The following INO80B variants were observed in gnomAD, a reference collection of about 807,000 sequenced individuals.
INO80B encodes IES2 homolog.
A neutral mutation model predicts 31.4 loss-of-function variants in INO80B; 18 were observed. The ratio of observed to expected loss-of-function variants is 0.57; its 90% CI spans 0.40 to 0.85. INO80B has a LOEUF of 0.85. Among genes scored for constraint, INO80B ranks in the 40% least tolerant of loss-of-function variants. INO80B has a pLI of 0.00. For synonymous variants in INO80B, 238 were observed against 199.0 expected (o/e 1.20, Z -1.65); for missense variants, 469 against 475.4 (o/e 0.99, Z 0.13).
intron 4 of INO80B, 99 bp from the exon 5 acceptor site, chr2:74,457,235 G>A (rs1174219627): frequency 3.1e-6 from 4 of 1,297,678 alleles, no homozygotes; most frequent in Non-Finnish European, 4.2e-6. Context: ...TCAAGACCCT[G>A]CCTTCCATGT....
At position 74,455,527 on chromosome 2, in the gene INO80B, G is replaced by A; in HGVS notation, c.180G>A (p.Thr60=). The A allele has an allele frequency of 6.2e-7, 1 of 1,614,138 alleles. No homozygotes were observed. The highest frequency in any genetic ancestry group is 8.5e-7 in the Non-Finnish European group (1 of 1,180,018). ...ATCAGGAAGAAGACGCCGGGCCCACGCAGCCGTCCCCTGCCAAGCCTCAGC... is the reference window on the plus strand; with the variant it reads ...ATCAGGAAGAAGACGCCGGGCCCACACAGCCGTCCCCTGCCAAGCCTCAGC... ...KHHQEEDAGP[T]QPSPAKPQLK... is the part of the protein sequence containing the mutation. The change falls in exon 2 of 5, where the codon ACG becomes ACA. Residue 60 remains threonine (T), a synonymous_variant. Coordinates refer to ENST00000233331, the MANE Select transcript of INO80B (RefSeq NM_031288.4).
At chr2:74,455,974 A>T (rs1196615735) in intron 3 of INO80B, 38 bp downstream of exon 3, 2 of 1,555,714 alleles carry the variant, frequency 1.3e-6, no homozygotes, top group Admixed American at 3.3e-5. Flanking sequence ...GTTTCTTATT[A>T]TACCCGCCTA....
chr2:74,455,695 T>TGAA, intron 2 of INO80B, 97 bp downstream of exon 2: 2 of 1,436,404 alleles, frequency 1.4e-6, no homozygotes, highest in Non-Finnish European at 1.9e-6. Flanking sequence ...GAATGGACAC[T>TGAA]GTGACTTCAG....
chr2:74,457,705 CCCG>C lies in INO80B; in HGVS notation c.920_922del (p.Pro307del). 1 of 1,599,818 alleles carries C rather than the reference CCCG, an allele frequency of 6.3e-7. No individual in the cohort carries two copies. The highest frequency in any genetic ancestry group is 8.5e-7 in the Non-Finnish European group (1 of 1,179,242). Reference sequence around the variant, plus strand: ...TGTCTCAGCGGCCATCCCCCTCAGGCCCGCCGCCGCGCTGCTCTGTCCCCGGCT... The same window carrying C: ...TGTCTCAGCGGCCATCCCCCTCAGGCCCGCCGCGCTGCTCTGTCCCCGGCT... On this transcript the variant is annotated inframe_deletion, in exon 5 of 5. Coordinates refer to ENST00000233331, the MANE Select transcript of INO80B (RefSeq NM_031288.4).
At position 74,455,575 on chromosome 2, in the gene INO80B, G is replaced by C; in HGVS notation, c.228G>C (p.Gly76=). The C allele has an allele frequency of 6.2e-7, 1 of 1,613,324 alleles. No homozygotes were observed. The highest frequency in any genetic ancestry group is 1.3e-5 in the African/African-American group (1 of 74,856). ...KPQLKLKIKL[G]GQVLGTKSVP... The stretch of plus-strand genomic sequence containing the variant: ...AGCTCAAACTCAAAATCAAGCTTGG[G>C]GGACAAGTCCTGGGGACCAAGAGGT... Residue 76 remains glycine (G), a synonymous_variant, in exon 2 of 5, where the codon GGG becomes GGC. Coordinates refer to ENST00000233331, the MANE Select transcript of INO80B (RefSeq NM_031288.4).
rs1359298638 is a variant in INO80B, at chr2:74,457,478, C to A, written c.685C>A (p.Arg229=). 3 of 1,554,036 alleles carry A rather than the reference C, an allele frequency of 1.9e-6. No individual in the cohort carries two copies. The Admixed American group carries it at 5.8e-5, about 30-fold the overall frequency. The change falls in exon 5 of 5, where the codon CGG becomes AGG. Residue 229 remains arginine, a synonymous_variant. Coordinates refer to ENST00000233331, the MANE Select transcript of INO80B (RefSeq NM_031288.4). The part of the protein sequence containing the change: ...RARKRRLQAA[R]RAEEHKNQTI... Reference sequence around the variant, plus strand: ...GCGGAAGCGGCGGCTCCAGGCGGCGCGGCGGGCAGAAGAGCACAAGAACCA... The same window carrying A: ...GCGGAAGCGGCGGCTCCAGGCGGCGAGGCGGGCAGAAGAGCACAAGAACCA...
rs1374333452 is a variant in INO80B at position 74,457,628 on chromosome 2, G to T, written c.835G>T (p.Ala279Ser). ...PAPMVRYCSG[A>S]QGSTLSFPPG... is the part of the protein sequence containing the mutation. ...CCCCATGGTGCGCTACTGCAGCGGA[G>T]CACAGGGTTCCACCCTTTCCTTCCC... The change falls in exon 5 of 5, where the codon GCA (alanine) becomes TCA (serine). Residue 279 changes from alanine (A) to serine (S), a missense_variant. Physicochemically the swap from Ala to Ser is moderately conservative, Grantham distance 99 (BLOSUM62 1). Transcript: ENST00000233331. The T allele has an allele frequency of 1.3e-6, 2 of 1,593,062 alleles. No individual in the cohort carries two copies. The highest frequency in any genetic ancestry group is 3.4e-5 in the Admixed American group (2 of 59,002).
At chr2:74,457,222 T>C in intron 4 of INO80B, 112 bp from the exon 5 acceptor site, 1 of 1,150,620 alleles carries the variant, frequency 8.7e-7, no homozygotes. Context: ...AGGCCTGCAC[T>C]GCTCAAGACC....
chr2:74,456,340 C>A lies in INO80B; in HGVS notation c.540+68C>A, dbSNP rs369331619. On this transcript the variant is annotated intron_variant, in intron 4 of 4. Transcript: ENST00000233331. ...TATTGAGAACTCTCCACGACCCACG[C>A]ACTTTGCGTGGCATTGGGGATATCG... is the stretch of plus-strand genomic sequence containing the variant. The A allele has an allele frequency of 1.5e-5, 23 of 1,538,084 alleles. No homozygotes were observed. The African/African-American group carries it at 2.5e-4, about 16-fold the overall frequency.
chr2:74,455,254 T>A (rs1671662416), intron 1 of INO80B, 80 bp downstream of exon 1: 1 of 1,562,398 alleles, frequency 6.4e-7, no homozygotes, highest in Non-Finnish European at 8.8e-7. Context: ...TCCAGGGTAC[T>A]TCGGCCACAG....
Position 74,457,938 on chromosome 2 carries a change from C to G in INO80B, c.*74C>G. On this transcript the variant is annotated 3_prime_UTR_variant, in exon 5 of 5. Coordinates refer to ENST00000233331, the MANE Select transcript of INO80B (RefSeq NM_031288.4). ...TCTTCCCCACCCTATTAAATTACAT[C>G]CGGTGCTTCGGCTTGTACAGAACTG... is the stretch of plus-strand genomic sequence containing the variant. The G allele has an allele frequency of 7.3e-7, 1 of 1,378,848 alleles. No individual in the cohort carries two copies. Among genetic ancestry groups the G allele is most frequent in the Non-Finnish European group, 9.7e-7 (1 of 1,034,298 alleles). The allele number at this position is 1,378,848 out of a possible 1,614,324, so 85.4% of individuals were successfully genotyped here. A position where few individuals can be genotyped will look rare whatever the true frequency, so the allele number is the denominator to read the frequency against.
At chr2:74,455,735 A>C (rs1671674806) in intron 2 of INO80B, 83 bp from the exon 3 acceptor site, 1 of 1,400,468 alleles carries the variant, frequency 7.1e-7, no homozygotes, top group Admixed American at 1.8e-5. Flanking sequence ...AGAGTCTAAG[A>C]GGGTGGGGAA....
chr2:74,457,222 T>A lies in INO80B; in HGVS notation c.541-112T>A, dbSNP rs955397229. The A allele has an allele frequency of 1.4e-5, 16 of 1,150,502 alleles. No homozygotes were observed. In the African/African-American group the frequency reaches 2.1e-4, roughly 15 times the overall value. The allele number at this position is 1,150,502 out of a possible 1,614,324, so 71.3% of individuals were successfully genotyped here. Reference sequence around the variant, plus strand: ...ATATCCCGCCTCCGAAGGCCTGCACTGCTCAAGACCCTGCCTTCCATGTCC... The same window carrying A: ...ATATCCCGCCTCCGAAGGCCTGCACAGCTCAAGACCCTGCCTTCCATGTCC... On this transcript the variant is annotated intron_variant, in intron 4 of 4. Transcript: ENST00000233331.
Position 74,457,553 on chromosome 2 carries a change from CG to C in INO80B, c.767del (p.Gly256AlafsTer?), listed in dbSNP as rs761589557. 40 of 1,371,526 alleles carry C rather than the reference CG, an allele frequency of 2.9e-5. No individual in the cohort carries two copies. The highest frequency in any genetic ancestry group is 5.9e-5 in the East Asian group (2 of 33,986). 85.0% of individuals were successfully genotyped at this position (1,371,526 alleles called of 1,614,324 possible). A position where few individuals can be genotyped will look rare whatever the true frequency, so the allele number is the denominator to read the frequency against. On this transcript the variant is annotated frameshift_variant, in exon 5 of 5. Coordinates refer to ENST00000233331, the MANE Select transcript of INO80B (RefSeq NM_031288.4). LOFTEE classifies it high-confidence loss of function. ...KTAATSGRGG[R>X]GGARGERRGG... ...TGCGGCGACCAGTGGGCGGGGAGGC[CG>C]GGGGGGCGCACGGGGCGAGCGGCGG...
At position 74,456,170 on chromosome 2, in the gene INO80B, AGAG is replaced by A. The variant is rs1363447534; in HGVS notation, c.444_446del (p.Glu149del). The A allele has an allele frequency of 1.9e-6, 3 of 1,613,444 alleles. No individual in the cohort carries two copies. The African/African-American group carries it at 4.0e-5, about 22-fold the overall frequency. ...CAGGAGGGTTAGGGGGTCAGGAGGA[AGAG>A]GAGGAACAGAGGTGGCTGGATGCCC... On this transcript the variant is annotated inframe_deletion, in exon 4 of 5. Transcript: ENST00000233331.
chr2:74,456,337 A>G, intron 4 of INO80B, 65 bp downstream of exon 4: 1 of 1,559,058 alleles, frequency 6.4e-7, no homozygotes, highest in Non-Finnish European at 8.8e-7. Flanking sequence ...TCCACGACCC[A>G]CGCACTTTGC....
At chr2:74,455,224 C>G in intron 1 of INO80B, 50 bp downstream of exon 1, 2 of 1,599,526 alleles carry the variant, frequency 1.3e-6, no homozygotes, top group Non-Finnish European at 1.7e-6. Flanking sequence ...AAAGAAGTCC[C>G]GTTCTTGCTC....
Position 74,457,462 on chromosome 2 carries a change from G to A in INO80B, c.669G>A (p.Arg223=), listed in dbSNP as rs771321664. The stretch of plus-strand genomic sequence containing the variant: ...AGCGCGAGGAGCGGGCGCGGAAGCG[G>A]CGGCTCCAGGCGGCGCGGCGGGCAG... ...LLKREERARK[R]RLQAARRAEE... is the part of the protein sequence containing the mutation. The change falls in exon 5 of 5, where the codon CGG becomes CGA. Residue 223 remains arginine, a synonymous_variant. Coordinates refer to ENST00000233331, the MANE Select transcript of INO80B (RefSeq NM_031288.4). 1 of 1,560,230 alleles carries A rather than the reference G, an allele frequency of 6.4e-7. No individual in the cohort carries two copies. The highest frequency in any genetic ancestry group is 1.9e-5 in the Admixed American group (1 of 52,392).
chr2:74,456,586 T>C (rs1237638786), intron 4 of INO80B, among the ~76,000 whole-genome samples: 2 of 152,180 alleles, frequency 1.3e-5, no homozygotes, highest in African/African-American at 2.4e-5. Context: ...GAGATAACAT[T>C]TGCAATACCA....
Sources: allele counts gnomAD v4.1 joint callset (sites outside exome capture counted in the v4.1 genomes callset), GRCh38; gene constraint gnomAD v4.1.1; transcripts MANE v1.5; gene names NCBI Gene and HGNC (gene_info 2026-07-23, HGNC 2026-07-21).